Variants in KIF2A observed in about 807,000 individuals in gnomAD.
KIF2A encodes the protein kinesin-like protein KIF2A.
KIF2A carries 22 observed loss-of-function variants against 100.2 expected under a neutral mutation model. The ratio of observed to expected loss-of-function variants is 0.22; its 90% CI spans 0.16 to 0.31. KIF2A has a LOEUF of 0.31. KIF2A is among the 10% of genes least tolerant of loss of function. KIF2A has a pLI of 1.00. For synonymous variants in KIF2A, 268 were observed against 285.9 expected, an observed-to-expected ratio of 0.94 and a Z score of 0.63; for missense variants, 495 against 898.7, an observed-to-expected ratio of 0.55 and a Z score of 5.74.
chr5:62,356,896 G>A (rs1024882856), intron 7 of KIF2A, among the ~76,000 whole-genome samples: 7 of 148,752 alleles, frequency 4.7e-5, no homozygotes, highest in African/African-American at 1.5e-4. Context: ...GGCAATTCTC[G>A]TGCCTCAGCC....
At chr5:62,364,956 G>C (rs1329802027) in intron 14 of KIF2A, among the ~76,000 whole-genome samples, 1 of 152,172 alleles carries the variant, frequency 6.6e-6, no homozygotes, top group East Asian at 1.9e-4. Context: ...AGCCAGTCGT[G>C]GTAGCAGGCG....
intron 16 of KIF2A, among the ~76,000 whole-genome samples, chr5:62,369,937 C>T (rs930867725): frequency 1.3e-5 from 2 of 152,182 alleles, no homozygotes; most frequent in Non-Finnish European, 1.5e-5. Context: ...GGGAAAGTTA[C>T]TTAACCTCTC....
chr5:62,350,656 A>G (rs537198604), intron 4 of KIF2A, among the ~76,000 whole-genome samples: 36 of 152,236 alleles, frequency 2.4e-4, no homozygotes, highest in Non-Finnish European at 4.1e-4. Flanking sequence ...TCAGGCCTGT[A>G]ATCTCCACAC....
rs368466392 is a variant in KIF2A at position 62,345,207 on chromosome 5, G to A, written c.65-1923G>A. 4.6e-3 allele frequency among the ~76,000 whole-genome samples: 694 copies of A among 152,256 alleles called. 3 individuals carry two copies. The highest frequency in any genetic ancestry group is 0.014 in the African/African-American group (575 of 41,548). On this transcript the variant is annotated intron_variant, in intron 1 of 20. Coordinates refer to ENST00000407818, the MANE Select transcript of KIF2A (RefSeq NM_001098511.3). ...GTTCGAGACTAGCCTGGCCAACATG[G>A]TGAAACCCCGTCTCTACTAAAAATA...
chr5:62,389,687 G>A lies in KIF2A; in HGVS notation c.*4118G>A, dbSNP rs181672999. ...AGGTAACTGAACAAGAAGCTGTTTG[G>A]AATTGGCAGAAGTCAGATGAAAAAC... On this transcript the variant is annotated 3_prime_UTR_variant, in exon 21 of 21. Coordinates refer to ENST00000407818, the MANE Select transcript of KIF2A (RefSeq NM_001098511.3). 3.2e-4 allele frequency among the ~76,000 whole-genome samples: 49 copies of A among 152,104 alleles called. No homozygotes were observed. The East Asian group carries it at 4.6e-3, about 14-fold the overall frequency.
Position 62,390,976 on chromosome 5 carries a change from G to A in KIF2A, c.*5407G>A. ...TTATCTGCTATGCTGAAATCTTCTG[G>A]TATTATCTATCAATATAAGATTCAG... On this transcript the variant is annotated 3_prime_UTR_variant, in exon 21 of 21. Coordinates refer to ENST00000407818, the MANE Select transcript of KIF2A (RefSeq NM_001098511.3). The A allele has an allele frequency of 9.9e-6, 16 of 1,612,108 alleles. No homozygotes were observed. The highest frequency in any genetic ancestry group is 1.3e-5 in the Non-Finnish European group (15 of 1,178,628).
At chr5:62,375,077 T>C (rs1741482279) in intron 18 of KIF2A, among the ~76,000 whole-genome samples, 1 of 152,264 alleles carries the variant, frequency 6.6e-6, no homozygotes, top group South Asian at 2.1e-4. Flanking sequence ...TTTTTAATGA[T>C]ACTTTATAAT....
In KIF2A at chr5:62,306,286, A is replaced by G; in HGVS notation, c.-187A>G. On this transcript the variant is annotated 5_prime_UTR_variant, in exon 1 of 21. Transcript: ENST00000407818. ...CGTGCGCGTCCTCCTGCCGGCCTGC[A>G]GGCCCGGGGCCTCCGCCTGCTTCCC... The G allele has an allele frequency of 1.8e-6, 1 of 548,296 alleles. No homozygotes were observed. Among genetic ancestry groups the G allele is most frequent in the South Asian group, 2.3e-5 (1 of 43,198 alleles). 34.0% of individuals were successfully genotyped at this position (548,296 alleles called of 1,614,324 possible). A position where few individuals can be genotyped will look rare whatever the true frequency, so the allele number is the denominator to read the frequency against.
chr5:62,319,997 G>A (rs1746023278), intron 1 of KIF2A, among the ~76,000 whole-genome samples: 1 of 152,160 alleles, frequency 6.6e-6, no homozygotes, highest in South Asian at 2.1e-4. Flanking sequence ...TCTTATATTT[G>A]TAGAGCATTA....
At chr5:62,331,833 T>C (rs1746670936) in intron 1 of KIF2A, among the ~76,000 whole-genome samples, 1 of 151,918 alleles carries the variant, frequency 6.6e-6, no homozygotes, top group South Asian at 2.1e-4. Context: ...TTTAAAAAAC[T>C]GCTTGGATCT....
At chr5:62,345,186 G>A (rs1467969138) in intron 1 of KIF2A, among the ~76,000 whole-genome samples, 1 of 152,064 alleles carries the variant, frequency 6.6e-6, no homozygotes, top group Non-Finnish European at 1.5e-5. Flanking sequence ...TCAGGAGTTC[G>A]AGACTAGCCT....
At chr5:62,372,604 G>C in intron 17 of KIF2A, 53 bp downstream of exon 17, 4 of 1,023,498 alleles carry the variant, frequency 3.9e-6, no homozygotes, top group Non-Finnish European at 5.9e-6. Flanking sequence ...CTTTTGAATT[G>C]TGCTTTGTAT....
intron 13 of KIF2A, 106 bp downstream of exon 13, chr5:62,363,426 C>A: frequency 9.2e-7 from 1 of 1,088,102 alleles, no homozygotes; most frequent in Non-Finnish European, 1.3e-6. Context: ...AAGTAAAAAT[C>A]ATTGTTCATA....
At chr5:62,337,645 C>G (rs1171280618) in intron 1 of KIF2A, among the ~76,000 whole-genome samples, 1 of 151,956 alleles carries the variant, frequency 6.6e-6, no homozygotes, top group African/African-American at 2.4e-5. Flanking sequence ...CCAGCGTGGT[C>G]AACATAGCGA....
intron 16 of KIF2A, among the ~76,000 whole-genome samples, chr5:62,367,574 G>A (rs1184912540): frequency 6.6e-6 from 1 of 151,934 alleles, no homozygotes; most frequent in Non-Finnish European, 1.5e-5. Context: ...GCCCTTTCTG[G>A]TGTTCTATAT....
chr5:62,344,270 G>A (rs965167286), intron 1 of KIF2A, among the ~76,000 whole-genome samples: 1 of 151,916 alleles, frequency 6.6e-6, no homozygotes, highest in African/African-American at 2.4e-5. Flanking sequence ...CTTGAACCTG[G>A]GAGGTGGAGG....
chr5:62,334,844 CA>C (rs1746853209), intron 1 of KIF2A, among the ~76,000 whole-genome samples: 1 of 152,168 alleles, frequency 6.6e-6, no homozygotes, highest in Non-Finnish European at 1.5e-5. Context: ...CTGCTCAGCG[CA>C]GCCCTCAGGT....
intron 1 of KIF2A, among the ~76,000 whole-genome samples, chr5:62,310,133 A>G (rs2075950096): frequency 6.7e-6 from 1 of 149,206 alleles, no homozygotes; most frequent in Admixed American, 6.7e-5. Flanking sequence ...CGCTCACTAC[A>G]ACCTCTGCCT....
intron 1 of KIF2A, among the ~76,000 whole-genome samples, chr5:62,341,240 C>A (rs1235444056): frequency 6.6e-6 from 1 of 151,864 alleles, no homozygotes; most frequent in Non-Finnish European, 1.5e-5. Flanking sequence ...GATGTGTACA[C>A]TGGTGGTTGA....
Sources: allele counts gnomAD v4.1 joint callset (sites outside exome capture counted in the v4.1 genomes callset), GRCh38; gene constraint gnomAD v4.1.1; transcripts MANE v1.5; gene names NCBI Gene and HGNC (gene_info 2026-07-23, HGNC 2026-07-21).